Variants in EFNA5 observed in about 807,000 individuals in gnomAD.
The protein encoded by EFNA5 is ephrin A5, also known as ephrin-A5.
A neutral mutation model predicts 22.9 loss-of-function variants in EFNA5; 5 were observed. That is an observed-to-expected ratio of 0.22 (90% confidence interval 0.11 to 0.46). The LOEUF (loss-of-function observed/expected upper bound fraction) is 0.46, where lower values mean the gene tolerates loss of function less well. Among genes scored for constraint, EFNA5 ranks in the 20% least tolerant of loss-of-function variants. The pLI, the probability that EFNA5 is intolerant of heterozygous loss-of-function variation, is 0.99. For missense variants in EFNA5, 237 were observed against 293.3 expected (o/e 0.81, Z 1.40); for synonymous variants, 113 against 112.2 (o/e 1.01, Z -0.04).
At chr5:107,456,802 A>ATTTGGGGAAGGAAATC (rs1749709638) in intron 1 of EFNA5, among the ~76,000 whole-genome samples, 1 of 152,106 alleles carries the variant, frequency 6.6e-6, no homozygotes, top group Non-Finnish European at 1.5e-5. Flanking sequence ...CATAGAAGAA[A>ATTTGGGGAAGGAAATC]TTTGGGGAAG....
intron 1 of EFNA5, among the ~76,000 whole-genome samples, chr5:107,498,022 T>C (rs1044590147): frequency 6.6e-6 from 1 of 152,174 alleles, no homozygotes; most frequent in African/African-American, 2.4e-5. Flanking sequence ...TTCAAGTGAT[T>C]CTTCTGCCTC....
intron 1 of EFNA5, among the ~76,000 whole-genome samples, chr5:107,640,018 T>C (rs1226797020): frequency 1.3e-5 from 2 of 152,148 alleles, no homozygotes; most frequent in Non-Finnish European, 2.9e-5. Flanking sequence ...TAAGGAACAG[T>C]AGGTCAGTAT....
At chr5:107,591,957 TA>T (rs1413324717) in intron 1 of EFNA5, among the ~76,000 whole-genome samples, 50 of 21,226 alleles carry the variant, frequency 2.4e-3, no homozygotes, top group Non-Finnish European at 3.9e-3. Flanking sequence ...ATATAATATA[TA>T]ATATATATAA....
intron 1 of EFNA5, among the ~76,000 whole-genome samples, chr5:107,446,351 G>T (rs979489442): frequency 1.3e-5 from 2 of 152,112 alleles, no homozygotes; most frequent in African/African-American, 4.8e-5. Context: ...AGCATCCTGA[G>T]AATCTCAAAG....
intron 2 of EFNA5, among the ~76,000 whole-genome samples, chr5:107,424,507 T>C (rs1748758974): frequency 6.6e-6 from 1 of 151,948 alleles, no homozygotes; most frequent in Non-Finnish European, 1.5e-5. Flanking sequence ...TGAGCCACTG[T>C]GCACAGCCAG....
intron 1 of EFNA5, among the ~76,000 whole-genome samples, chr5:107,536,005 T>C (rs1183408665): frequency 6.6e-6 from 1 of 152,164 alleles, no homozygotes; most frequent in Non-Finnish European, 1.5e-5. Context: ...GAATCCTCTA[T>C]ATCCCTCTCC....
At chr5:107,573,691 G>A (rs944976313) in intron 1 of EFNA5, among the ~76,000 whole-genome samples, 6 of 152,114 alleles carry the variant, frequency 3.9e-5, no homozygotes, top group African/African-American at 7.2e-5. Context: ...ACATGATTAC[G>A]TGGGTTTCCA....
intron 1 of EFNA5, among the ~76,000 whole-genome samples, chr5:107,432,850 C>T (rs1443705742): frequency 6.6e-6 from 1 of 152,088 alleles, no homozygotes; most frequent in Non-Finnish European, 1.5e-5. Context: ...CTACCTGTGC[C>T]ACCCCTGAGA....
chr5:107,537,671 T>C (rs1747956419), intron 1 of EFNA5, among the ~76,000 whole-genome samples: 1 of 152,238 alleles, frequency 6.6e-6, no homozygotes, highest in African/African-American at 2.4e-5. Flanking sequence ...TGAGAGATCA[T>C]GAACATTTTA....
chr5:107,377,183 T>C lies in EFNA5; in HGVS notation c.*4072A>G, dbSNP rs1011290944. On this transcript the variant is annotated 3_prime_UTR_variant, in exon 5 of 5. Coordinates refer to ENST00000333274, the MANE Select transcript of EFNA5 (RefSeq NM_001962.3). ...CAAGAGTAAGCATGGAGAGCGGATT[T>C]TGACTCATGGGTAACCTCCGACATG... is the stretch of plus-strand genomic sequence containing the variant. 2 of 152,136 alleles carry C rather than the reference T, an allele frequency of 1.3e-5. No individual in the cohort carries two copies. The highest frequency in any genetic ancestry group is 2.4e-5 in the African/African-American group (1 of 41,398). 9.4% of individuals were successfully genotyped at this position (152,136 alleles called of 1,614,324 possible).
At chr5:107,608,579 C>T (rs1172775947) in intron 1 of EFNA5, among the ~76,000 whole-genome samples, 1 of 152,174 alleles carries the variant, frequency 6.6e-6, no homozygotes, top group Non-Finnish European at 1.5e-5. Context: ...GCCGGGAGGC[C>T]ACCAGCAGCA....
chr5:107,572,525 C>T (rs560689674), intron 1 of EFNA5, among the ~76,000 whole-genome samples: 59 of 152,282 alleles, frequency 3.9e-4, no homozygotes, highest in African/African-American at 1.3e-3. Flanking sequence ...TTAAGTCATT[C>T]ACAGATACAG....
intron 1 of EFNA5, among the ~76,000 whole-genome samples, chr5:107,505,196 G>A (rs986842195): frequency 6.6e-6 from 1 of 152,186 alleles, no homozygotes; most frequent in Non-Finnish European, 1.5e-5. Flanking sequence ...TTGTGAAGCA[G>A]TAGGCATTGC....
At position 107,453,916 on chromosome 5, in the gene EFNA5, G is replaced by A. The variant is rs1749623775; in HGVS notation, c.126-26407C>T. ...AAGAATAATCAGCTCTCAGCAGCCT[G>A]TAGGCAAAAATGCAAACTGAAGGAG... On this transcript the variant is annotated intron_variant, in intron 1 of 4. Transcript: ENST00000333274. Among the ~76,000 whole-genome samples the A allele has an allele frequency of 2.0e-5, 3 of 150,950 alleles. No individual in the cohort carries two copies. In the South Asian group the frequency reaches 6.3e-4, roughly 32 times the overall value.
intron 1 of EFNA5, among the ~76,000 whole-genome samples, chr5:107,581,013 G>A (rs1382723305): frequency 1.3e-5 from 2 of 152,166 alleles, no homozygotes; most frequent in African/African-American, 2.4e-5. Context: ...GATGAAACTG[G>A]AAGAAGACTT....
intron 1 of EFNA5, among the ~76,000 whole-genome samples, chr5:107,525,446 G>A (rs1580512029): frequency 6.6e-6 from 1 of 152,190 alleles, no homozygotes; most frequent in East Asian, 1.9e-4. Context: ...CCATGCAGTT[G>A]AAAATCCATG....
chr5:107,480,480 A>G (rs1277616453), intron 1 of EFNA5, among the ~76,000 whole-genome samples: 2 of 152,240 alleles, frequency 1.3e-5, no homozygotes, highest in Non-Finnish European at 2.9e-5. Context: ...GTAGAGTTCA[A>G]GTTCCTAAAA....
intron 4 of EFNA5, among the ~76,000 whole-genome samples, chr5:107,384,898 G>A (rs1747571446): frequency 6.7e-6 from 1 of 150,244 alleles, no homozygotes; most frequent in Admixed American, 6.7e-5. Context: ...ATAGGTGTGA[G>A]GCACAGTGCC....
chr5:107,423,958 C>T (rs1024777460), intron 2 of EFNA5, among the ~76,000 whole-genome samples: 2 of 151,992 alleles, frequency 1.3e-5, no homozygotes, highest in Non-Finnish European at 1.5e-5. Context: ...AACTCAAAGA[C>T]ATTAAGAAAA....
Sources: allele counts gnomAD v4.1 joint callset (sites outside exome capture counted in the v4.1 genomes callset), GRCh38; gene constraint gnomAD v4.1.1; transcripts MANE v1.5; gene names NCBI Gene and HGNC (gene_info 2026-07-23, HGNC 2026-07-21).